CYP24A1: variants seen among roughly 807,000 people sequenced by gnomAD.
CYP24A1 encodes the protein 1,25-dihydroxyvitamin D(3) 24-hydroxylase, mitochondrial.
In CYP24A1, 68 loss-of-function variants were observed where a neutral mutation model predicts 62.4. That is an observed-to-expected ratio of 1.09 (90% CI 0.90 to 1.33). CYP24A1 has a LOEUF of 1.33. Among genes scored for constraint, CYP24A1 ranks in the 40% most tolerant of loss-of-function variants. The probability of loss-of-function intolerance (pLI) is 0.00; values close to 1 mark genes in which losing one functional copy is unlikely to be tolerated. For missense variants in CYP24A1, 787 were observed against 653.0 expected (o/e 1.21, Z -2.24); for synonymous variants, 267 against 253.0 (o/e 1.06, Z -0.52).
rs532520090 is a variant in CYP24A1, at chr20:54,155,348, A to G, written c.*11-587T>C. ...TTGGCAAACAGCATTTTTTTCTAGG[A>G]AAATCCTAGAAGGTGCTGCTAAAAG... On this transcript the variant is annotated intron_variant, in intron 11 of 11. Transcript: ENST00000216862. 6.6e-5 allele frequency among the ~76,000 whole-genome samples: 10 copies of G among 152,302 alleles called. No individual in the cohort carries two copies. In the East Asian group the frequency reaches 7.7e-4, roughly 12 times the overall value.
rs199934501 is a variant in CYP24A1, at chr20:54,164,513, C to T, written c.783G>A (p.Lys261=). The stretch of plus-strand genomic sequence containing the variant: ...CCTGCCAGACCTTGGTGTTGAGGCT[C>T]TTGTGCAGCTCGACTGGAGTGACCA... ...RMMVTPVELH[K]SLNTKVWQDH... is the part of the protein sequence containing the mutation. Residue 261 remains lysine (K), a synonymous_variant, in exon 6 of 12, where the codon AAG becomes AAA. Transcript: ENST00000216862. 1.3e-5 allele frequency: 21 copies of T among 1,614,174 alleles called. No individual in the cohort carries two copies. The African/African-American group carries it at 2.3e-4, about 17-fold the overall frequency.
chr20:54,161,020 A>G lies in CYP24A1; in HGVS notation c.990+1697T>C, dbSNP rs562750057. 2.6e-5 allele frequency among the ~76,000 whole-genome samples: 4 copies of G among 152,376 alleles called. No individual in the cohort carries two copies. In the East Asian group the frequency reaches 7.7e-4, roughly 29 times the overall value. ...CCAGCCAGAGCCCACTTTTAAAAAC[A>G]TAAATGATCAGGTGATTCCCTTGCT... On this transcript the variant is annotated intron_variant, in intron 7 of 11. Transcript: ENST00000216862.
At chr20:54,149,828 T>C (rs772079386), downstream of CYP24A1, among the ~76,000 whole-genome samples, 2 of 152,218 alleles carry the variant, frequency 1.3e-5, no homozygotes, top group African/African-American at 4.8e-5. Context: ...ACCTCTTGCC[T>C]TATTTCTCAT....
chr20:54,158,460 G>T (rs1038172811), intron 8 of CYP24A1, among the ~76,000 whole-genome samples: 1 of 152,170 alleles, frequency 6.6e-6, no homozygotes, highest in Non-Finnish European at 1.5e-5. Context: ...GCTAGCCCTT[G>T]AAGCGTGATG....
chr20:54,156,201 A>T (rs1225935772), intron 11 of CYP24A1, among the ~76,000 whole-genome samples: 1 of 152,142 alleles, frequency 6.6e-6, no homozygotes, highest in East Asian at 1.9e-4. Flanking sequence ...AGAATAACAG[A>T]TCTCCTAAAA....
chr20:54,158,990 G>A lies in CYP24A1; in HGVS notation c.1124C>T (p.Pro375Leu), dbSNP rs189801930. 6.5e-5 allele frequency: 105 copies of A among 1,614,080 alleles called. No individual in the cohort carries two copies. The highest frequency in any genetic ancestry group is 8.4e-5 in the Non-Finnish European group (99 of 1,180,006). The change falls in exon 8 of 12, where the codon CCG becomes CTG. Residue 375 changes from proline (P) to leucine (L), a missense_variant. By Grantham distance (98) the Pro-to-Leu change is moderately conservative (BLOSUM62 -3). Transcript: ENST00000216862. ...TTCTTTCAGACAGGCTTTTAAATAC[G>A]GCATATTCCTCAAATCTTCTGCCCG... ...VPRAEDLRNM[P>L]YLKACLKESM...
intron 5 of CYP24A1, 99 bp from the exon 6 acceptor site, chr20:54,164,662 C>G: frequency 1.9e-6 from 3 of 1,601,018 alleles, no homozygotes; most frequent in Non-Finnish European, 2.6e-6. Context: ...GCACCCTGCA[C>G]TTTTTAAAAG....
downstream of CYP24A1, among the ~76,000 whole-genome samples, chr20:54,152,676 A>G (rs2092614474): frequency 6.6e-6 from 1 of 152,234 alleles, no homozygotes; most frequent in African/African-American, 2.4e-5. Context: ...GCCTGGTTCC[A>G]GAGGCCTCTG....
intron 7 of CYP24A1, among the ~76,000 whole-genome samples, chr20:54,160,445 G>A (rs1568967834): frequency 6.6e-6 from 1 of 152,248 alleles, no homozygotes; most frequent in Non-Finnish European, 1.5e-5. Flanking sequence ...TGAAGACGCT[G>A]TTGCTAAGTG....
chr20:54,148,694 G>T (rs993551684), downstream of CYP24A1, among the ~76,000 whole-genome samples: 7 of 152,060 alleles, frequency 4.6e-5, no homozygotes, highest in Non-Finnish European at 8.8e-5. Flanking sequence ...ATTTAAAGAG[G>T]CTCCCATTAA....
intron 8 of CYP24A1, 133 bp downstream of exon 8, chr20:54,158,824 A>G (rs1219222028): frequency 6.7e-6 from 10 of 1,494,976 alleles, no homozygotes; most frequent in Non-Finnish European, 9.1e-6. Flanking sequence ...TATGGCTCCA[A>G]AGATTTTTTT....
At chr20:54,146,767 A>G in the CYP24A1 span, among the ~76,000 whole-genome samples, 1 of 152,180 alleles carries the variant, frequency 6.6e-6, no homozygotes, top group Non-Finnish European at 1.5e-5. Flanking sequence ...CTTCTAATCA[A>G]TTCTAAAGCA....
Position 54,164,479 on chromosome 20 carries a change from G to A in CYP24A1, c.817C>T (p.Leu273=), listed in dbSNP as rs1293167144. 2 of 1,614,066 alleles carry A rather than the reference G, an allele frequency of 1.2e-6. No individual in the cohort carries two copies. The highest frequency in any genetic ancestry group is 2.7e-5 in the African/African-American group (2 of 74,922). Residue 273 remains leucine (L), a synonymous_variant, in exon 6 of 12, where the codon CTG becomes TTG. Coordinates refer to ENST00000216862, the MANE Select transcript of CYP24A1 (RefSeq NM_000782.5). ...LNTKVWQDHT[L]AWDTIFKSVK... is the part of the protein sequence containing the mutation. Reference sequence around the variant, plus strand: ...GATTTGAAAATGGTGTCCCAGGCCAGAGTGTGGTCCTGCCAGACCTTGGTG... The same window carrying A: ...GATTTGAAAATGGTGTCCCAGGCCAAAGTGTGGTCCTGCCAGACCTTGGTG...
downstream of CYP24A1, among the ~76,000 whole-genome samples, chr20:54,151,506 A>C (rs530530076): frequency 1.9e-4 from 29 of 151,922 alleles, 1 homozygote; most frequent in African/African-American, 6.5e-4. Flanking sequence ...CTAGTTGCCA[A>C]ATAGTGATTT....
the CYP24A1 span, among the ~76,000 whole-genome samples, chr20:54,146,928 G>A: frequency 6.6e-6 from 1 of 152,182 alleles, no homozygotes; most frequent in Non-Finnish European, 1.5e-5. Context: ...CACTTATTAG[G>A]TCAACTTCCA....
chr20:54,162,220 C>CTTTTGTTTTTTTTTT (rs1568968780), intron 7 of CYP24A1, among the ~76,000 whole-genome samples: 2 of 72,534 alleles, frequency 2.8e-5, no homozygotes, highest in Non-Finnish European at 4.8e-5. Context: ...GAGAGTATGC[C>CTTTTGTTTTTTTTTT]TTTTTTTTTT....
At position 54,169,592 on chromosome 20, in the gene CYP24A1, T is replaced by A. The variant is rs1391576350; in HGVS notation, c.640A>T (p.Ser214Cys). The A allele has an allele frequency of 2.5e-6, 4 of 1,614,056 alleles. No homozygotes were observed. The highest frequency in any genetic ancestry group is 3.4e-6 in the Non-Finnish European group (4 of 1,180,034). The change falls in exon 4 of 12, where the codon AGT (serine) becomes TGT (cysteine). Residue 214 changes from serine to cysteine, a missense_variant and splice_region_variant. Transcript: ENST00000216862. ...GAGCAAGTCTGTGACGACAACTTAC[T>A]TTCAAACGACCATTTGTTCAGTTCG... ...YSELNKWSFE[S>C]ICLVLYEKRF...
intron 4 of CYP24A1, among the ~76,000 whole-genome samples, chr20:54,168,002 G>A (rs1320808152): frequency 6.6e-6 from 1 of 152,130 alleles, no homozygotes; most frequent in Non-Finnish European, 1.5e-5. Context: ...CCATGAGCTG[G>A]CTGCTGGCCC....
intron 7 of CYP24A1, 34 bp from the exon 8 acceptor site, chr20:54,159,157 G>C: frequency 6.5e-7 from 1 of 1,547,192 alleles, no homozygotes; most frequent in Non-Finnish European, 8.9e-7. Flanking sequence ...TTGAGTTTTT[G>C]TAAATAACTG....
Sources: allele counts gnomAD v4.1 joint callset (sites outside exome capture counted in the v4.1 genomes callset), GRCh38; gene constraint gnomAD v4.1.1; transcripts MANE v1.5; gene names NCBI Gene and HGNC (gene_info 2026-07-23, HGNC 2026-07-21).